The following CSGALNACT1 variants were observed in gnomAD, a reference collection of about 807,000 sequenced individuals.
CSGALNACT1 encodes chondroitin sulfate N-acetylgalactosaminyltransferase 1, also known as beta4GalNAcT-1.
CSGALNACT1 carries 52 observed loss-of-function variants against 51.0 expected under a neutral mutation model. The ratio of observed to expected loss-of-function variants is 1.02; its 90% confidence interval spans 0.82 to 1.29. CSGALNACT1 has a LOEUF of 1.29. Ranked by LOEUF, CSGALNACT1 falls within the 50% of genes most tolerant of loss-of-function variation. The pLI, the probability that CSGALNACT1 is intolerant of heterozygous loss-of-function variation, is 0.00. For missense variants in CSGALNACT1, 935 were observed against 679.2 expected (o/e 1.38, Z -4.19); for synonymous variants, 341 against 254.4 (o/e 1.34, Z -3.24).
intron 4 of CSGALNACT1, among the ~76,000 whole-genome samples, chr8:19,469,938 G>T (rs547527206): frequency 6.6e-6 from 1 of 152,278 alleles, no homozygotes; most frequent in South Asian, 2.1e-4. Flanking sequence ...AGGGAGGGAA[G>T]AAGAAAGGGA....
chr8:19,560,932 T>C (rs78441284), intron 3 of CSGALNACT1, among the ~76,000 whole-genome samples: 2,630 of 152,238 alleles, frequency 0.017, 73 homozygotes, highest in South Asian at 0.062. Flanking sequence ...TTTCATTCAA[T>C]CAAATACTTC....
intron 1 of CSGALNACT1, among the ~76,000 whole-genome samples, chr8:19,751,801 G>T (rs1041479887): frequency 6.6e-6 from 1 of 152,018 alleles, no homozygotes; most frequent in African/African-American, 2.4e-5. Context: ...GCCATGTGAA[G>T]ATGTGCTTGC....
At chr8:19,505,418 C>G in exon 4 of CSGALNACT1, 1 of 1,614,176 alleles carries the variant, frequency 6.2e-7, no homozygotes, top group South Asian at 1.1e-5. Flanking sequence ...ACTCTGTGGC[C>G]AGCTTGACGC....
chr8:19,464,553 G>A (rs1563545669), intron 4 of CSGALNACT1, among the ~76,000 whole-genome samples: 2 of 152,036 alleles, frequency 1.3e-5, no homozygotes, highest in African/African-American at 2.4e-5. Context: ...CCCAAGCCAC[G>A]GAATGGTACC....
chr8:19,692,474 G>A (rs1366357082), intron 1 of CSGALNACT1, among the ~76,000 whole-genome samples: 13 of 152,126 alleles, frequency 8.5e-5, no homozygotes, highest in Admixed American at 7.9e-4. Context: ...TCATGGTAAG[G>A]GAGATAGATG....
At position 19,708,379 on chromosome 8, in the gene CSGALNACT1, T is replaced by C. The variant is rs533749556; in HGVS notation, c.-297+49471A>G. Among the ~76,000 whole-genome samples, 53 of 152,310 alleles carry C rather than the reference T, an allele frequency of 3.5e-4. 1 individual carries two copies. The highest frequency in any genetic ancestry group is 6.5e-4 in the Non-Finnish European group (44 of 68,018). On this transcript the variant is annotated intron_variant, in intron 1 of 1. Coordinates refer to the CSGALNACT1 transcript ENST00000517494. ...CAGTAGCCATGTCAAAACTGATCCA[T>C]TGATTAACAGCTACCCCAGATTTTA...
rs117931327 is a variant in CSGALNACT1 at position 19,499,430 on chromosome 8, G to C, written c.634+5771C>G. ...AGTGAGCACTCACATAATGTATGGT[G>C]AATGAGTGCAACCTTCCACCCAAAA... On this transcript the variant is annotated intron_variant, in intron 4 of 9. Coordinates refer to ENST00000454498, the Ensembl canonical transcript of CSGALNACT1. 6.0e-3 allele frequency among the ~76,000 whole-genome samples: 907 copies of C among 152,290 alleles called. 9 individuals carry two copies. Among genetic ancestry groups the C allele is most frequent in the Non-Finnish European group, 9.9e-3 (674 of 68,014 alleles).
At chr8:19,612,679 T>A (rs1341683111) in intron 1 of CSGALNACT1, among the ~76,000 whole-genome samples, 1 of 152,028 alleles carries the variant, frequency 6.6e-6, no homozygotes, top group Non-Finnish European at 1.5e-5. Context: ...CTTGTGTAGC[T>A]TCCGACATCT....
intron 5 of CSGALNACT1, among the ~76,000 whole-genome samples, chr8:19,451,661 C>A (rs1367905581): frequency 1.3e-5 from 2 of 152,200 alleles, no homozygotes; most frequent in African/African-American, 4.8e-5. Flanking sequence ...CCGCTTTGTG[C>A]CTTGTGACCA....
chr8:19,677,690 T>C (rs1237798341), intron 1 of CSGALNACT1, among the ~76,000 whole-genome samples: 1 of 152,192 alleles, frequency 6.6e-6, no homozygotes, highest in Non-Finnish European at 1.5e-5. Context: ...ATAATGTTTT[T>C]ACTTCAGCGA....
At chr8:19,676,352 G>A (rs979553743) in intron 1 of CSGALNACT1, among the ~76,000 whole-genome samples, 7 of 152,136 alleles carry the variant, frequency 4.6e-5, no homozygotes, top group African/African-American at 1.7e-4. Context: ...GGAAAGCTGG[G>A]CATTCCCAGC....
rs147530390 is a variant in CSGALNACT1, at chr8:19,505,253, A to T, written c.582T>A (p.Pro194=). ...GACGGTGATTGGGGCTGTTCTCTGC[A>T]GGACTGTTCAGGGTCTCCAAGGCTG... The change falls in exon 4 of 10, where the codon CCT becomes CCA. Residue 194 remains proline (P), a synonymous_variant. Transcript: ENST00000454498. 2.0e-4 allele frequency: 320 copies of T among 1,614,158 alleles called. 1 individual carries two copies. The African/African-American group carries it at 2.0e-3, about 10-fold the overall frequency.
chr8:19,545,117 C>A (rs981380357), intron 3 of CSGALNACT1, among the ~76,000 whole-genome samples: 1 of 152,026 alleles, frequency 6.6e-6, no homozygotes, highest in Non-Finnish European at 1.5e-5. Flanking sequence ...ACCCTGGAAG[C>A]TAGAAAATAT....
At chr8:19,682,547 T>C in exon 1 of CSGALNACT1, 1 of 437,240 alleles carries the variant, frequency 2.3e-6, no homozygotes, top group Non-Finnish European at 4.6e-6. Context: ...CGGTCTTTGC[T>C]GTCAGTACTC....
chr8:19,593,410 C>T (rs1431612204), intron 2 of CSGALNACT1, among the ~76,000 whole-genome samples: 2 of 152,184 alleles, frequency 1.3e-5, no homozygotes, highest in African/African-American at 4.8e-5. Flanking sequence ...CCTGGGGCAC[C>T]ACAACAGCTA....
At chr8:19,641,451 C>A (rs1390949723) in intron 1 of CSGALNACT1, among the ~76,000 whole-genome samples, 1 of 152,136 alleles carries the variant, frequency 6.6e-6, no homozygotes, top group Non-Finnish European at 1.5e-5. Context: ...CATTTTGGAG[C>A]TCTTCAAATG....
intron 4 of CSGALNACT1, among the ~76,000 whole-genome samples, chr8:19,461,571 C>A (rs1354868109): frequency 2.2e-5 from 3 of 133,874 alleles, no homozygotes; most frequent in Non-Finnish European, 3.3e-5. Context: ...CGCACAGCGG[C>A]CACATTCACC....
chr8:19,425,171 C>G (rs772412389), intron 6 of CSGALNACT1, among the ~76,000 whole-genome samples: 4 of 152,086 alleles, frequency 2.6e-5, no homozygotes, highest in Non-Finnish European at 5.9e-5. Flanking sequence ...GGTGAAACCC[C>G]ATTTCTATTA....
intron 4 of CSGALNACT1, among the ~76,000 whole-genome samples, chr8:19,459,382 CAAAAAAAAAA>C (rs377411028): frequency 2.9e-4 from 20 of 69,184 alleles, no homozygotes; most frequent in East Asian, 1.3e-3. Flanking sequence ...AACTTTATCT[CAAAAAAAAAA>C]AAAAAAAAAA....
Sources: allele counts gnomAD v4.1 joint callset (sites outside exome capture counted in the v4.1 genomes callset), GRCh38; gene constraint gnomAD v4.1.1; transcripts MANE v1.5; gene names NCBI Gene and HGNC (gene_info 2026-07-23, HGNC 2026-07-21).